Variants in VSIG10 observed in about 807,000 individuals in gnomAD.
VSIG10 encodes V-set and immunoglobulin domain-containing protein 10.
Under a neutral mutation model 58.7 loss-of-function variants are expected in VSIG10, and 48 were observed. The observed-to-expected ratio is 0.82, with a 90% CI of 0.65 to 1.04. The LOEUF (loss-of-function observed/expected upper bound fraction) is 1.04. Ranked by LOEUF, VSIG10 falls within the 50% of genes least tolerant of loss-of-function variation. The pLI is 0.00. For missense variants in VSIG10, 628 were observed against 670.0 expected (o/e 0.94, Z 0.69); for synonymous variants, 260 against 267.1 (o/e 0.97, Z 0.26).
chr12:118,095,049 G>A (rs1311038119), intron 2 of VSIG10, among the ~76,000 whole-genome samples: 1 of 152,086 alleles, frequency 6.6e-6, no homozygotes, highest in African/African-American at 2.4e-5. Context: ...GACTACAGGT[G>A]CGCGCCACCA....
chr12:118,096,349 C>G (rs981674827), intron 1 of VSIG10, among the ~76,000 whole-genome samples: 1 of 149,644 alleles, frequency 6.7e-6, no homozygotes. Flanking sequence ...GAGGCCAAGG[C>G]GGGCGGATCA....
chr12:118,082,696 G>C (rs535366652), intron 2 of VSIG10, among the ~76,000 whole-genome samples: 1 of 152,080 alleles, frequency 6.6e-6, no homozygotes, highest in South Asian at 2.1e-4. Context: ...AACTGTAAGG[G>C]CTAGGCACAG....
chr12:118,071,002 G>T lies in VSIG10; in HGVS notation c.1346+50C>A, dbSNP rs528659716. 1.1e-5 allele frequency: 17 copies of T among 1,589,538 alleles called. No homozygotes were observed. The African/African-American group carries it at 2.3e-4, about 21-fold the overall frequency. ...GAAAGGAAGGGAACAAAACAGAAGT[G>T]AAGACAGATGCGGGAATGGGTGTTT... On this transcript the variant is annotated intron_variant, in intron 7 of 8. Transcript: ENST00000359236.
Position 118,073,717 on chromosome 12 carries a change from T to C in VSIG10, c.1201A>G (p.Ile401Val), listed in dbSNP as rs1193457758. ...DSPVGVREME[I>V]WLSVKEPLNI... The stretch of plus-strand genomic sequence containing the variant: ...CACTCACCTTTCACACTCAGCCAGA[T>C]TTCCATCTCCCTCACCCCTACAGGG... Residue 401 changes from isoleucine to valine, a missense_variant, in exon 5 of 9, where the codon ATC becomes GTC. By Grantham distance (29) the Ile-to-Val change is conservative. Coordinates refer to ENST00000359236, the MANE Select transcript of VSIG10 (RefSeq NM_019086.6). 1 of 1,611,046 alleles carries C rather than the reference T, an allele frequency of 6.2e-7. No homozygotes were observed. Among genetic ancestry groups the C allele is most frequent in the Non-Finnish European group, 8.5e-7 (1 of 1,178,170 alleles).
At chr12:118,102,187 T>C (rs1277976779) in intron 1 of VSIG10, 1 of 152,230 alleles carries the variant, frequency 6.6e-6, no homozygotes, top group African/African-American at 2.4e-5. Flanking sequence ...GCCAGGTCAT[T>C]CCAGCAGGAT....
intron 2 of VSIG10, among the ~76,000 whole-genome samples, chr12:118,084,587 T>C (rs758417472): frequency 6.6e-6 from 1 of 151,938 alleles, no homozygotes; most frequent in Non-Finnish European, 1.5e-5. Flanking sequence ...CTGCTACAGA[T>C]AAGCTTGGCA....
At chr12:118,097,107 C>T (rs980395836) in intron 1 of VSIG10, among the ~76,000 whole-genome samples, 2 of 152,144 alleles carry the variant, frequency 1.3e-5, no homozygotes, top group South Asian at 4.1e-4. Flanking sequence ...CTTGGCCAGT[C>T]ACTGACAATA....
At chr12:118,080,843 C>A (rs757152702) in intron 3 of VSIG10, among the ~76,000 whole-genome samples, 1 of 152,036 alleles carries the variant, frequency 6.6e-6, no homozygotes, top group East Asian at 1.9e-4. Flanking sequence ...GGACAGAATG[C>A]GGATTGGGGG....
Position 118,103,775 on chromosome 12 carries a change from CG to C in VSIG10, c.-105del. 1 of 1,165,092 alleles carries C rather than the reference CG, an allele frequency of 8.6e-7. No individual in the cohort carries two copies. Among genetic ancestry groups the C allele is most frequent in the Non-Finnish European group, 1.1e-6 (1 of 884,692 alleles). The allele number at this position is 1,165,092 out of a possible 1,614,324, so 72.2% of individuals were successfully genotyped here. On this transcript the variant is annotated 5_prime_UTR_variant, in exon 1 of 9. Transcript: ENST00000359236. The stretch of plus-strand genomic sequence containing the variant: ...GTACCGAGGGCTCCTCCCAGGTCCT[CG>C]GAACGGCAGAGTGGCCCCACTTCCT...
rs1401068157 is a variant in VSIG10, at chr12:118,066,561, C to T, written c.*78G>A. ...CCCCCGCCAGGGGTGCAGGTGGAGTCAAAGCTGAATGAAGAGCTCGTCTTC... is the reference window on the plus strand; with the variant it reads ...CCCCCGCCAGGGGTGCAGGTGGAGTTAAAGCTGAATGAAGAGCTCGTCTTC... On this transcript the variant is annotated 3_prime_UTR_variant, in exon 9 of 9. Coordinates refer to ENST00000359236, the MANE Select transcript of VSIG10 (RefSeq NM_019086.6). 2.0e-5 allele frequency: 32 copies of T among 1,561,550 alleles called. No homozygotes were observed. Among genetic ancestry groups the T allele is most frequent in the Non-Finnish European group, 4.4e-6 (5 of 1,132,694 alleles).
intron 4 of VSIG10, 146 bp from the exon 5 acceptor site, chr12:118,074,138 A>G (rs2032617641): frequency 1.0e-6 from 1 of 956,976 alleles, no homozygotes; most frequent in Non-Finnish European, 1.5e-6. Flanking sequence ...GCTGGAGTGC[A>G]GTGGTGCGAT....
chr12:118,071,759 C>A (rs1430632907), intron 5 of VSIG10, among the ~76,000 whole-genome samples: 2 of 152,216 alleles, frequency 1.3e-5, no homozygotes, highest in Non-Finnish European at 2.9e-5. Flanking sequence ...TGAGAGTTAT[C>A]AATGCCATGA....
intron 2 of VSIG10, among the ~76,000 whole-genome samples, chr12:118,088,449 C>T (rs2033197066): frequency 6.6e-6 from 1 of 152,114 alleles, no homozygotes; most frequent in Non-Finnish European, 1.5e-5. Flanking sequence ...ATAAAACTAA[C>T]ACTGGAGTTC....
At chr12:118,074,730 T>C (rs992914539) in intron 4 of VSIG10, among the ~76,000 whole-genome samples, 5 of 149,262 alleles carry the variant, frequency 3.3e-5, no homozygotes, top group South Asian at 2.1e-4. Flanking sequence ...CCACTTGCCT[T>C]AGCCTCCCAA....
At chr12:118,077,335 A>T (rs1040905110) in intron 4 of VSIG10, among the ~76,000 whole-genome samples, 1 of 151,192 alleles carries the variant, frequency 6.6e-6, no homozygotes, top group Non-Finnish European at 1.5e-5. Flanking sequence ...TCTCACGGAG[A>T]CCTCCCTGCC....
At chr12:118,070,318 C>T (rs1013823092) in intron 7 of VSIG10, among the ~76,000 whole-genome samples, 2 of 152,002 alleles carry the variant, frequency 1.3e-5, no homozygotes, top group Non-Finnish European at 2.9e-5. Flanking sequence ...GAGGCCGAGG[C>T]GGGCAGACCA....
Position 118,079,539 on chromosome 12 carries a change from G to C in VSIG10, c.732C>G (p.Thr244=). The change falls in exon 4 of 9, where the codon ACC becomes ACG. Residue 244 remains threonine, a synonymous_variant. Transcript: ENST00000359236. ...MASGSFMLQL[T]CRWDGGYPDP... ...CAGGGTATCCCCCATCCCAGCGACA[G>C]GTAAGCTGCAACATGAACGATCCTG... 1 of 1,614,038 alleles carries C rather than the reference G, an allele frequency of 6.2e-7. No individual in the cohort carries two copies. The highest frequency in any genetic ancestry group is 2.2e-5 in the East Asian group (1 of 44,878).
intron 4 of VSIG10, among the ~76,000 whole-genome samples, chr12:118,075,287 C>T (rs574493033): frequency 6.6e-6 from 1 of 151,880 alleles, no homozygotes; most frequent in Admixed American, 6.6e-5. Context: ...GATCTAGGAA[C>T]ATATCCCTCA....
chr12:118,070,180 T>C (rs2032429509), intron 7 of VSIG10, among the ~76,000 whole-genome samples: 2 of 151,706 alleles, frequency 1.3e-5, no homozygotes, highest in South Asian at 4.2e-4. Flanking sequence ...ACAAGTTCCG[T>C]TTGGTTCCTT....
Sources: allele counts gnomAD v4.1 joint callset (sites outside exome capture counted in the v4.1 genomes callset), GRCh38; gene constraint gnomAD v4.1.1; transcripts MANE v1.5; gene names NCBI Gene and HGNC (gene_info 2026-07-23, HGNC 2026-07-21).